MAMDC2: variants seen among roughly 807,000 people sequenced by gnomAD.
MAMDC2 encodes MAM domain containing 2.
In MAMDC2, 57 loss-of-function variants were observed where a neutral mutation model predicts 89.8. That is an observed-to-expected ratio of 0.63 (90% CI 0.51 to 0.79). The LOEUF is 0.79. MAMDC2 is among the 30% of genes least tolerant of loss of function. The probability of loss-of-function intolerance (pLI) is 0.00; values close to 1 mark genes in which losing one functional copy is unlikely to be tolerated. For synonymous variants in MAMDC2, 313 were observed against 293.4 expected, an observed-to-expected ratio of 1.07 and a Z score of -0.68; for missense variants, 800 against 820.6, an observed-to-expected ratio of 0.97 and a Z score of 0.31.
chr9:70,187,251 T>C (rs1367626192), intron 11 of MAMDC2, among the ~76,000 whole-genome samples: 1 of 152,142 alleles, frequency 6.6e-6, no homozygotes, highest in Non-Finnish European at 1.5e-5. Context: ...GTATTATATA[T>C]CCTTCATGCT....
At chr9:70,211,527 C>G (rs1290819076) in intron 11 of MAMDC2, among the ~76,000 whole-genome samples, 1 of 152,178 alleles carries the variant, frequency 6.6e-6, no homozygotes. Flanking sequence ...AGCCATTCAT[C>G]TAATCTTTTT....
At chr9:70,053,812 G>C (rs1826966342) in intron 2 of MAMDC2, among the ~76,000 whole-genome samples, 1 of 152,154 alleles carries the variant, frequency 6.6e-6, no homozygotes, top group Admixed American at 6.5e-5. Context: ...ATTTGAGGGA[G>C]ATAGAATTGC....
chr9:70,207,465 T>C (rs1469339927), intron 11 of MAMDC2, among the ~76,000 whole-genome samples: 3 of 152,124 alleles, frequency 2.0e-5, no homozygotes, highest in Non-Finnish European at 4.4e-5. Context: ...TGCCCACTTT[T>C]TGATGGGGCT....
chr9:70,077,810 C>T lies in MAMDC2; in HGVS notation c.149-30401C>T, dbSNP rs181181474. On this transcript the variant is annotated intron_variant, in intron 2 of 13. Transcript: ENST00000377182. Reference sequence around the variant, plus strand: ...CCAGAGATGTCAATGCCAAGCCTTTCTTGACTGTGTTGGTCCATTTGCAAG... The same window carrying T: ...CCAGAGATGTCAATGCCAAGCCTTTTTTGACTGTGTTGGTCCATTTGCAAG... 3.0e-3 allele frequency among the ~76,000 whole-genome samples: 454 copies of T among 152,298 alleles called. 1 individual carries two copies. The highest frequency in any genetic ancestry group is 0.01 in the African/African-American group (433 of 41,558).
intron 11 of MAMDC2, among the ~76,000 whole-genome samples, chr9:70,204,129 G>A (rs1380493011): frequency 5.9e-5 from 9 of 151,894 alleles, no homozygotes; most frequent in African/African-American, 1.5e-4. Context: ...GAGGAGAGAC[G>A]CTCTGCGTTT....
intron 12 of MAMDC2, among the ~76,000 whole-genome samples, chr9:70,221,380 T>TATATAGAGAGAGAGAGAGAG: frequency 2.8e-4 from 2 of 7,042 alleles, no homozygotes; most frequent in African/African-American, 8.7e-4. Flanking sequence ...TATATATATA[T>TATATAGAGAGAGAGAGAGAG]AGAGAGAGAG....
intron 5 of MAMDC2, 63 bp from the exon 6 acceptor site, chr9:70,126,096 T>G: frequency 6.7e-7 from 1 of 1,498,378 alleles, no homozygotes; most frequent in Non-Finnish European, 9.1e-7. Context: ...CCATTTCGCC[T>G]GAACCTCTTC....
At chr9:70,213,974 T>C (rs1248372030) in intron 11 of MAMDC2, among the ~76,000 whole-genome samples, 2 of 152,202 alleles carry the variant, frequency 1.3e-5, no homozygotes, top group East Asian at 1.9e-4. Flanking sequence ...TGGTTTGTGC[T>C]TAGAGCTGTG....
At chr9:70,217,002 T>G (rs911457044) in intron 11 of MAMDC2, among the ~76,000 whole-genome samples, 50 of 152,288 alleles carry the variant, frequency 3.3e-4, no homozygotes, top group Admixed American at 1.3e-4. Flanking sequence ...AATGGACTAT[T>G]GGAAGCCCGT....
intron 9 of MAMDC2, chr9:70,153,173 A>G (rs2031636643): frequency 6.6e-6 from 1 of 152,198 alleles, no homozygotes; most frequent in East Asian, 1.9e-4. Context: ...ATGTTTTAAG[A>G]AACGTTTTGA....
At chr9:70,158,158 A>G (rs1212989031) in intron 9 of MAMDC2, among the ~76,000 whole-genome samples, 1 of 152,052 alleles carries the variant, frequency 6.6e-6, no homozygotes, top group Non-Finnish European at 1.5e-5. Flanking sequence ...TGGTCTCACT[A>G]TTACCCAGCT....
At chr9:70,081,468 A>G (rs1179546663) in intron 2 of MAMDC2, 2 of 152,122 alleles carry the variant, frequency 1.3e-5, no homozygotes, top group African/African-American at 4.8e-5. Context: ...TAGTCCTGCC[A>G]GGTCTCCATG....
At chr9:70,175,449 T>C (rs1038212401) in intron 11 of MAMDC2, among the ~76,000 whole-genome samples, 7 of 152,216 alleles carry the variant, frequency 4.6e-5, no homozygotes, top group African/African-American at 1.7e-4. Flanking sequence ...ACCCTTATTC[T>C]ACTGAAAAAT....
At position 70,199,113 on chromosome 9, in the gene MAMDC2, T is replaced by C. The variant is rs190952061; in HGVS notation, c.1652-19224T>C. Among the ~76,000 whole-genome samples the C allele has an allele frequency of 3.8e-3, 573 of 151,416 alleles. 3 individuals are homozygous for C. Among genetic ancestry groups the C allele is most frequent in the African/African-American group, 0.013 (534 of 41,242 alleles). ...GGGTACATGTGCACATTGTACAGGT[T>C]AGTTACATATGTATACATGTGCTGT... On this transcript the variant is annotated intron_variant, in intron 11 of 13. Transcript: ENST00000377182.
chr9:70,097,242 T>C (rs1587466844), intron 2 of MAMDC2, among the ~76,000 whole-genome samples: 1 of 152,356 alleles, frequency 6.6e-6, no homozygotes, highest in East Asian at 1.9e-4. Context: ...CTCTGGAGGT[T>C]CTGTAGTTGT....
At chr9:70,192,919 C>G (rs2032910643) in intron 11 of MAMDC2, among the ~76,000 whole-genome samples, 1 of 152,032 alleles carries the variant, frequency 6.6e-6, no homozygotes, top group Admixed American at 6.6e-5. Context: ...CTAAACCAGC[C>G]TAACAGGATT....
At chr9:70,217,722 G>C in intron 11 of MAMDC2, 1 of 1,324,402 alleles carries the variant, frequency 7.6e-7, no homozygotes, top group Non-Finnish European at 1.1e-6. Context: ...AAAAATTACA[G>C]AGTATGTTTT....
At chr9:70,100,169 C>T (rs1054938212) in intron 2 of MAMDC2, among the ~76,000 whole-genome samples, 1 of 152,132 alleles carries the variant, frequency 6.6e-6, no homozygotes, top group South Asian at 2.1e-4. Context: ...AAGAACTTGG[C>T]TCTGTGCTAA....
intron 2 of MAMDC2, among the ~76,000 whole-genome samples, chr9:70,050,818 C>T (rs892498118): frequency 2.0e-5 from 3 of 152,172 alleles, no homozygotes; most frequent in African/African-American, 7.2e-5. Context: ...TCTTATTTGG[C>T]TCTAGTTTAA....
Sources: allele counts gnomAD v4.1 joint callset (sites outside exome capture counted in the v4.1 genomes callset), GRCh38; gene constraint gnomAD v4.1.1; transcripts MANE v1.5; gene names NCBI Gene and HGNC (gene_info 2026-07-23, HGNC 2026-07-21).